The following FGF14 variants were observed in gnomAD, a reference collection of about 807,000 sequenced individuals.
FGF14 encodes fibroblast growth factor homologous factor 4.
A neutral mutation model predicts 25.5 loss-of-function variants in FGF14; 5 were observed. That is an observed-to-expected ratio of 0.20 (90% CI 0.10 to 0.41). FGF14 has a LOEUF of 0.41. Ranked by LOEUF, FGF14 falls within the 10% of genes least tolerant of loss-of-function variation. The pLI, the probability that FGF14 is intolerant of heterozygous loss-of-function variation, is 1.00. For missense variants in FGF14, 222 were observed against 320.1 expected, an observed-to-expected ratio of 0.69 and a Z score of 2.34; for synonymous variants, 138 against 118.3, an observed-to-expected ratio of 1.17 and a Z score of -1.08.
intron 1 of FGF14, among the ~76,000 whole-genome samples, chr13:102,311,573 C>T (rs1378393644): frequency 1.3e-5 from 2 of 152,026 alleles, no homozygotes; most frequent in African/African-American, 2.4e-5. Context: ...TGCTGTCATA[C>T]TACCAGAACC....
chr13:102,297,934 C>T (rs1021978569), intron 1 of FGF14, among the ~76,000 whole-genome samples: 101 of 152,078 alleles, frequency 6.6e-4, no homozygotes, highest in African/African-American at 2.4e-3. Context: ...GGCTGGGATG[C>T]CCTCACAGAA....
chr13:101,960,400 T>C (rs1239439622), intron 1 of FGF14, among the ~76,000 whole-genome samples: 3 of 152,190 alleles, frequency 2.0e-5, no homozygotes, highest in Non-Finnish European at 4.4e-5. Flanking sequence ...TCTGTTCCTC[T>C]CCATGTGTCC....
At chr13:101,988,600 G>T (rs1240088056) in intron 1 of FGF14, among the ~76,000 whole-genome samples, 1 of 150,196 alleles carries the variant, frequency 6.7e-6, no homozygotes, top group Non-Finnish European at 1.5e-5. Flanking sequence ...GCAAACTATT[G>T]CAAGGACAAA....
Position 101,953,380 on chromosome 13 carries a change from G to T in FGF14, c.209-78084C>A, listed in dbSNP as rs146243931. On this transcript the variant is annotated intron_variant, in intron 1 of 4. Transcript: ENST00000376131. Reference sequence around the variant, plus strand: ...ACCCTGAGTGTTTAACCCAGCAGGGGATCTGGGAGCTGTTCTGCTAGGACA... The same window carrying T: ...ACCCTGAGTGTTTAACCCAGCAGGGTATCTGGGAGCTGTTCTGCTAGGACA... Among the ~76,000 whole-genome samples, 47 of 152,068 alleles carry T rather than the reference G, an allele frequency of 3.1e-4. No individual in the cohort carries two copies. The East Asian group carries it at 9.0e-3, about 29-fold the overall frequency.
At chr13:101,834,017 C>T (rs557978293) in intron 3 of FGF14, among the ~76,000 whole-genome samples, 1 of 152,210 alleles carries the variant, frequency 6.6e-6, no homozygotes, top group African/African-American at 2.4e-5. Flanking sequence ...ACCATAGCTG[C>T]TTCATTTCTG....
chr13:101,787,958 G>A (rs998985906), intron 3 of FGF14, among the ~76,000 whole-genome samples: 23 of 152,224 alleles, frequency 1.5e-4, no homozygotes, highest in African/African-American at 5.1e-4. Context: ...TGCAACCTCC[G>A]CCTCCCAGGT....
intron 1 of FGF14, among the ~76,000 whole-genome samples, chr13:101,958,003 T>C (rs1468573218): frequency 6.6e-6 from 1 of 152,130 alleles, no homozygotes; most frequent in African/African-American, 2.4e-5. Context: ...AAAATAACGA[T>C]TTAAAATATA....
chr13:101,895,032 A>G (rs1434039511), intron 1 of FGF14, among the ~76,000 whole-genome samples: 2 of 152,230 alleles, frequency 1.3e-5, no homozygotes, highest in Admixed American at 1.3e-4. Context: ...TCAAATCATT[A>G]AATCTGGAAC....
At chr13:101,905,227 A>C (rs149043432) in intron 1 of FGF14, among the ~76,000 whole-genome samples, 1 of 152,274 alleles carries the variant, frequency 6.6e-6, no homozygotes, top group African/African-American at 2.4e-5. Context: ...ATTATAAATT[A>C]TTCTACTATA....
Position 101,868,819 on chromosome 13 carries a change from T to G in FGF14, c.314A>C (p.Asn105Thr). 1.2e-6 allele frequency: 2 copies of G among 1,611,748 alleles called. No homozygotes were observed. The highest frequency in any genetic ancestry group is 1.7e-6 in the Non-Finnish European group (2 of 1,177,908). ...KDDSTNSTLF[N>T]LIPVGLRVVA... is the part of the protein sequence containing the mutation. ...AACACGTAGTCCCACTGGTATGAGGTTGAAGAGTGCTGTGAAGATAAACAT... is the reference window on the plus strand; with the variant it reads ...AACACGTAGTCCCACTGGTATGAGGGTGAAGAGTGCTGTGAAGATAAACAT... Residue 105 changes from asparagine to threonine, a missense_variant, in exon 3 of 5, where the codon AAC (asparagine) becomes ACC (threonine). Coordinates refer to ENST00000376143, the MANE Select transcript of FGF14 (RefSeq NM_004115.4).
At chr13:102,123,069 A>G (rs1008010049) in intron 1 of FGF14, among the ~76,000 whole-genome samples, 5 of 152,238 alleles carry the variant, frequency 3.3e-5, no homozygotes, top group Non-Finnish European at 5.9e-5. Context: ...AAGAATTTAT[A>G]GACAGGTAGT....
chr13:102,379,466 CTTTA>C (rs1335509314), intron 1 of FGF14, among the ~76,000 whole-genome samples: 1 of 150,260 alleles, frequency 6.7e-6, no homozygotes, highest in African/African-American at 2.4e-5. Flanking sequence ...ATATATATAC[CTTTA>C]TATATGGGTG....
chr13:101,874,953 TA>T lies in FGF14; in HGVS notation c.304+232del, dbSNP rs546828845. Among the ~76,000 whole-genome samples, 406 of 152,186 alleles carry T rather than the reference TA, an allele frequency of 2.7e-3. 1 individual carries two copies. The highest frequency in any genetic ancestry group is 9.5e-3 in the African/African-American group (394 of 41,548). ...TTTCTGGGTATGATAACTGTCTGAA[TA>T]AAAAACAAAAATAGTAACATAATCA... is the stretch of plus-strand genomic sequence containing the variant. On this transcript the variant is annotated intron_variant, in intron 2 of 4. Transcript: ENST00000376143.
intron 3 of FGF14, chr13:101,868,505 A>T: frequency 2.0e-6 from 1 of 506,266 alleles, no homozygotes; most frequent in South Asian, 2.1e-5. Context: ...AAAATATGGC[A>T]AAAGCACTAT....
intron 1 of FGF14, among the ~76,000 whole-genome samples, chr13:102,069,839 G>A (rs568276551): frequency 9.8e-5 from 15 of 152,290 alleles, no homozygotes; most frequent in Middle Eastern, 3.4e-3. Flanking sequence ...CAGACACAAC[G>A]GCTCACGCCT....
rs1448088761 is a variant in FGF14, at chr13:102,146,983, T to C, written c.208+254488A>G. On this transcript the variant is annotated intron_variant, in intron 1 of 4. Transcript: ENST00000376131. ...TTCTGCCAGTGGCTGGCAGCCTATATTATGACATCAAAAGAGTTATCAGTG... is the reference window on the plus strand; with the variant it reads ...TTCTGCCAGTGGCTGGCAGCCTATACTATGACATCAAAAGAGTTATCAGTG... Among the ~76,000 whole-genome samples, 3 of 152,222 alleles carry C rather than the reference T, an allele frequency of 2.0e-5. No homozygotes were observed. In the East Asian group the frequency reaches 5.8e-4, roughly 29 times the overall value.
At chr13:102,258,936 C>T (rs2052581475) in intron 1 of FGF14, among the ~76,000 whole-genome samples, 1 of 152,056 alleles carries the variant, frequency 6.6e-6, no homozygotes, top group Non-Finnish European at 1.5e-5. Context: ...CTCTTTATGC[C>T]TCCCAGGAAG....
At chr13:102,172,643 G>A (rs1247338510) in intron 1 of FGF14, among the ~76,000 whole-genome samples, 1 of 152,084 alleles carries the variant, frequency 6.6e-6, no homozygotes, top group Non-Finnish European at 1.5e-5. Flanking sequence ...TGAGCTCTGT[G>A]ATGCCACCAT....
At chr13:102,013,211 G>T (rs2040171394) in intron 1 of FGF14, among the ~76,000 whole-genome samples, 2 of 152,092 alleles carry the variant, frequency 1.3e-5, no homozygotes, top group East Asian at 1.9e-4. Flanking sequence ...TAGGACAGGG[G>T]AAAGAGAAGA....
Sources: allele counts gnomAD v4.1 joint callset (sites outside exome capture counted in the v4.1 genomes callset), GRCh38; gene constraint gnomAD v4.1.1; transcripts MANE v1.5; gene names NCBI Gene and HGNC (gene_info 2026-07-23, HGNC 2026-07-21).